The following SCEL variants were observed in gnomAD, a reference collection of about 807,000 sequenced individuals.
SCEL encodes sciellin.
SCEL carries 113 observed loss-of-function variants against 117.6 expected under a neutral mutation model. That is an observed-to-expected ratio of 0.96 (90% CI 0.83 to 1.12). SCEL has a LOEUF of 1.12. SCEL is among the 50% of genes most tolerant of loss of function. The probability of loss-of-function intolerance (pLI) is 0.00; values close to 1 mark genes in which losing one functional copy is unlikely to be tolerated. For synonymous variants in SCEL, 270 were observed against 256.2 expected (o/e 1.05, Z -0.51); for missense variants, 785 against 810.8 (o/e 0.97, Z 0.39).
At chr13:77,612,259 G>A (rs2088689694) in intron 22 of SCEL, among the ~76,000 whole-genome samples, 1 of 152,068 alleles carries the variant, frequency 6.6e-6, no homozygotes, top group African/African-American at 2.4e-5. Flanking sequence ...TCTCTGTAGA[G>A]CTATGAATGC....
intron 1 of SCEL, among the ~76,000 whole-genome samples, chr13:77,544,801 A>T (rs2083904859): frequency 6.6e-6 from 1 of 152,256 alleles, no homozygotes; most frequent in South Asian, 2.1e-4. Context: ...TCAAATGCAT[A>T]CAAAAAGAGC....
chr13:77,582,186 A>C (rs2086298615), intron 9 of SCEL, among the ~76,000 whole-genome samples: 1 of 152,018 alleles, frequency 6.6e-6, no homozygotes, highest in South Asian at 2.1e-4. Context: ...ATATGTTTGC[A>C]TGTGTTTGTT....
intron 24 of SCEL, 64 bp downstream of exon 24, chr13:77,614,019 A>C: frequency 7.9e-7 from 1 of 1,273,288 alleles, no homozygotes; most frequent in East Asian, 2.3e-5. Flanking sequence ...AATAGAAATG[A>C]TTTAGAATTA....
chr13:77,633,709 A>G (rs2090142398), intron 28 of SCEL, among the ~76,000 whole-genome samples: 2 of 152,206 alleles, frequency 1.3e-5, no homozygotes, highest in African/African-American at 4.8e-5. Flanking sequence ...TGCAGAATAA[A>G]TGACAGGACT....
chr13:77,543,208 C>G (rs551539931), intron 1 of SCEL, among the ~76,000 whole-genome samples: 5 of 151,452 alleles, frequency 3.3e-5, no homozygotes, highest in African/African-American at 1.2e-4. Context: ...CTCAGCCTCC[C>G]AAGTAGCTGG....
intron 21 of SCEL, among the ~76,000 whole-genome samples, chr13:77,609,661 C>T (rs1045971505): frequency 9.2e-5 from 14 of 152,220 alleles, no homozygotes; most frequent in Non-Finnish European, 1.5e-5. Context: ...AATCCCACCT[C>T]TGTTACCACT....
intron 9 of SCEL, among the ~76,000 whole-genome samples, chr13:77,582,923 G>T (rs561164228): frequency 1.3e-5 from 2 of 152,232 alleles, no homozygotes; most frequent in South Asian, 4.1e-4. Flanking sequence ...TAGTTCACTT[G>T]ATAATAGTTG....
At chr13:77,594,962 C>A (rs1238721268) in intron 12 of SCEL, among the ~76,000 whole-genome samples, 1 of 152,166 alleles carries the variant, frequency 6.6e-6, no homozygotes, top group Non-Finnish European at 1.5e-5. Flanking sequence ...ATTTCCATGT[C>A]TTCCCTCATT....
intron 1 of SCEL, among the ~76,000 whole-genome samples, chr13:77,547,860 C>A (rs570600454): frequency 6.6e-6 from 1 of 152,250 alleles, no homozygotes; most frequent in Admixed American, 6.5e-5. Flanking sequence ...CCTCAGGTAT[C>A]CTATAAACAC....
intron 1 of SCEL, among the ~76,000 whole-genome samples, chr13:77,551,879 G>A (rs1333836980): frequency 2.5e-5 from 3 of 120,992 alleles, no homozygotes; most frequent in East Asian, 4.8e-4. Context: ...AGAGTGTGAT[G>A]TTCCCCTTCC....
intron 28 of SCEL, among the ~76,000 whole-genome samples, chr13:77,633,442 C>CAAAAAAAAAAAAAAAAAAA (rs59939208): frequency 5.3e-4 from 16 of 30,020 alleles, no homozygotes; most frequent in African/African-American, 1.1e-3. Context: ...GACTCCGCCT[C>CAAAAAAAAAAAAAAAAAAA]AAAAAAAAAA....
chr13:77,557,194 G>A (rs1004591422), intron 3 of SCEL, among the ~76,000 whole-genome samples: 5 of 152,134 alleles, frequency 3.3e-5, no homozygotes, highest in Admixed American at 2.6e-4. Context: ...CTAAGTACTG[G>A]GAAGGTGGGA....
chr13:77,593,620 T>C (rs773044180), intron 12 of SCEL, 47 bp downstream of exon 12: 1 of 1,434,970 alleles, frequency 7.0e-7, no homozygotes, highest in Admixed American at 1.8e-5. Flanking sequence ...TCCCTGGTGT[T>C]TCAAAAATGC....
chr13:77,562,316 C>T (rs967589813), intron 4 of SCEL, among the ~76,000 whole-genome samples: 6 of 152,226 alleles, frequency 3.9e-5, no homozygotes, highest in East Asian at 3.9e-4. Flanking sequence ...GATGGCCCTC[C>T]GGCACCTGCT....
intron 9 of SCEL, among the ~76,000 whole-genome samples, chr13:77,581,792 A>C (rs995573903): frequency 1.3e-5 from 2 of 152,214 alleles, no homozygotes; most frequent in African/African-American, 4.8e-5. Context: ...ATGGCAGGTT[A>C]AAGGGACTGT....
chr13:77,563,993 AG>A, intron 5 of SCEL, 94 bp downstream of exon 5: 1 of 850,378 alleles, frequency 1.2e-6, no homozygotes, highest in Non-Finnish European at 1.7e-6. Flanking sequence ...TACCAAAATA[AG>A]GTTTGAATCA....
At chr13:77,643,571 G>T (rs1259313851) in intron 32 of SCEL, among the ~76,000 whole-genome samples, 1 of 152,026 alleles carries the variant, frequency 6.6e-6, no homozygotes, top group South Asian at 2.1e-4. Context: ...TATGTGAAAG[G>T]CACTTTTTCC....
At position 77,567,742 on chromosome 13, in the gene SCEL, C is replaced by T. The variant is rs1478614308; in HGVS notation, c.353C>T (p.Thr118Ile). 2 of 1,591,430 alleles carry T rather than the reference C, an allele frequency of 1.3e-6. No individual in the cohort carries two copies. Among genetic ancestry groups the T allele is most frequent in the Non-Finnish European group, 8.6e-7 (1 of 1,163,450 alleles). ...YKANTLDNQL[T>I]NRSMSMFRSL... is the part of the protein sequence containing the mutation. The stretch of plus-strand genomic sequence containing the variant: ...GCCAATACCTTGGATAACCAACTAA[C>T]CAATAGGTACCAGTATCTACTAACT... Residue 118 changes from threonine (T) to isoleucine (I), a missense_variant, in exon 6 of 33, where the codon ACC becomes ATC. Physicochemically the swap from Thr to Ile is moderately conservative, Grantham distance 89. Transcript: ENST00000349847.
At chr13:77,586,035 C>T (rs1380290148) in intron 9 of SCEL, among the ~76,000 whole-genome samples, 1 of 152,148 alleles carries the variant, frequency 6.6e-6, no homozygotes, top group Non-Finnish European at 1.5e-5. Flanking sequence ...CTCTCCATCT[C>T]CTTTGAAGCC....
Sources: allele counts gnomAD v4.1 joint callset (sites outside exome capture counted in the v4.1 genomes callset), GRCh38; gene constraint gnomAD v4.1.1; transcripts MANE v1.5; gene names NCBI Gene and HGNC (gene_info 2026-07-23, HGNC 2026-07-21).